SPESP1: variants seen among roughly 807,000 people sequenced by gnomAD.
The protein encoded by SPESP1 is sperm equatorial segment protein 1.
Under a neutral mutation model 3.1 loss-of-function variants are expected in SPESP1, and 1 was observed. The observed-to-expected ratio is 0.33, with a 90% CI of 0.12 to 1.54. SPESP1 has a LOEUF of 1.54. Among genes scored for constraint, SPESP1 ranks in the 40% most tolerant of loss-of-function variants. The pLI is 0.38. For missense variants in SPESP1, 398 were observed against 410.1 expected, an observed-to-expected ratio of 0.97 and a Z score of 0.26; for synonymous variants, 138 against 150.7, an observed-to-expected ratio of 0.92 and a Z score of 0.62.
At chr15:68,938,946 T>G (rs1475435223) in intron 1 of SPESP1, among the ~76,000 whole-genome samples, 2 of 152,258 alleles carry the variant, frequency 1.3e-5, no homozygotes. Context: ...TTAGGATCTT[T>G]TAAATCATTA....
intron 1 of SPESP1, among the ~76,000 whole-genome samples, chr15:68,937,184 A>G (rs975129202): frequency 6.6e-6 from 1 of 152,200 alleles, no homozygotes; most frequent in Non-Finnish European, 1.5e-5. Flanking sequence ...TTATCTTAGT[A>G]AGATAAATTA....
In SPESP1 at chr15:68,945,644, T is replaced by C. The variant is rs771485439; in HGVS notation, c.110T>C (p.Ile37Thr). 3.1e-6 allele frequency: 5 copies of C among 1,598,566 alleles called. No individual in the cohort carries two copies. In the African/African-American group the frequency reaches 5.4e-5, roughly 17 times the overall value. The change falls in exon 2 of 2, where the codon ATA (isoleucine) becomes ACA (threonine). Residue 37 changes from isoleucine to threonine, a missense_variant. Transcript: ENST00000310673. The part of the protein sequence containing the change: ...PDEEQNLNHY[I>T]QVLENLVRSV... ...GAAGAGCAAAACTTGAATCATTATA[T>C]ACAAGTTTTAGAGAACCTAGTACGA...
At chr15:68,937,407 T>TA (rs1418174987) in intron 1 of SPESP1, among the ~76,000 whole-genome samples, 1 of 152,006 alleles carries the variant, frequency 6.6e-6, no homozygotes, top group Non-Finnish European at 1.5e-5. Flanking sequence ...CTAAATTCTA[T>TA]AAAGAAAAGA....
At chr15:68,945,506 G>A (rs1895935266) in intron 1 of SPESP1, 93 bp from the exon 2 acceptor site, 2 of 987,370 alleles carry the variant, frequency 2.0e-6, no homozygotes, top group Non-Finnish European at 2.8e-6. Flanking sequence ...TTAAGTGATA[G>A]CATATGAAAT....
Position 68,946,382 on chromosome 15 carries a change from T to A in SPESP1, c.848T>A (p.Leu283Ter), listed in dbSNP as rs1211419079. The A allele has an allele frequency of 3.1e-6, 5 of 1,614,172 alleles. No homozygotes were observed. Among genetic ancestry groups the A allele is most frequent in the Non-Finnish European group, 4.2e-6 (5 of 1,180,044 alleles). Residue 283 changes from leucine (L) to a stop codon, truncating the protein, a stop_gained, in exon 2 of 2, where the codon TTA becomes TAA. Coordinates refer to ENST00000310673, the MANE Select transcript of SPESP1 (RefSeq NM_145658.4). LOFTEE classifies it low-confidence loss of function (END_TRUNC). ...HKLKTMYKSQ[L>*]LPVGRTSNKI... Reference sequence around the variant, plus strand: ...TTAAAAACAATGTATAAGTCCCAGTTATTGCCAGTAGGACGAACAAGTAAT... The same window carrying A: ...TTAAAAACAATGTATAAGTCCCAGTAATTGCCAGTAGGACGAACAAGTAAT...
At chr15:68,934,081 A>G (rs1219991346) in intron 1 of SPESP1, among the ~76,000 whole-genome samples, 1 of 152,060 alleles carries the variant, frequency 6.6e-6, no homozygotes, top group Non-Finnish European at 1.5e-5. Flanking sequence ...TTTGCATAAT[A>G]AGTATAAATA....
intron 1 of SPESP1, among the ~76,000 whole-genome samples, chr15:68,931,384 A>G (rs996619303): frequency 6.6e-6 from 1 of 152,074 alleles, no homozygotes; most frequent in Non-Finnish European, 1.5e-5. Flanking sequence ...GCACACCACC[A>G]CGCTCATTCC....
chr15:68,946,222 A>G lies in SPESP1; in HGVS notation c.688A>G (p.Ile230Val), dbSNP rs1294163301. Residue 230 changes from isoleucine (I) to valine (V), a missense_variant, in exon 2 of 2, where the codon ATT becomes GTT. Physicochemically the swap from Ile to Val is conservative, Grantham distance 29. Transcript: ENST00000310673. ...SWNNDDILKK[I>V]LDINSQVQQA... ...GAATAATGATGACATTTTGAAAAAA[A>G]TTTTAGATATTAATTCACAAGTGCA... 6.2e-7 allele frequency: 1 copy of G among 1,614,036 alleles called. No homozygotes were observed. The highest frequency in any genetic ancestry group is 1.7e-5 in the Admixed American group (1 of 60,006).
At chr15:68,936,225 T>C (rs1281977368) in intron 1 of SPESP1, among the ~76,000 whole-genome samples, 1 of 152,248 alleles carries the variant, frequency 6.6e-6, no homozygotes, top group Non-Finnish European at 1.5e-5. Context: ...ATCATTGTAA[T>C]AAAAATCCTA....
intron 1 of SPESP1, among the ~76,000 whole-genome samples, chr15:68,931,232 C>T (rs1415703945): frequency 7.8e-6 from 1 of 127,682 alleles, no homozygotes; most frequent in East Asian, 2.9e-4. Flanking sequence ...GCTATCCCTC[C>T]CCCCTCCCCC....
At chr15:68,939,691 G>A (rs1266525967) in intron 1 of SPESP1, 4 of 152,210 alleles carry the variant, frequency 2.6e-5, no homozygotes, top group Admixed American at 6.5e-5. Context: ...GAGGTAGGAG[G>A]TAGTGCACTC....
chr15:68,942,404 TTCTTATG>T (rs1567064823), intron 1 of SPESP1, among the ~76,000 whole-genome samples: 1 of 152,148 alleles, frequency 6.6e-6, no homozygotes, highest in African/African-American at 2.4e-5. Context: ...TTCTGTCCAA[TTCTTATG>T]TCTCCAATTA....
intron 1 of SPESP1, among the ~76,000 whole-genome samples, chr15:68,945,043 A>G (rs1691254189): frequency 6.6e-6 from 1 of 152,218 alleles, no homozygotes; most frequent in South Asian, 2.1e-4. Flanking sequence ...ATACAGATAC[A>G]CTAGATGTAA....
chr15:68,932,653 A>C (rs544367178), intron 1 of SPESP1, among the ~76,000 whole-genome samples: 3 of 152,270 alleles, frequency 2.0e-5, no homozygotes, highest in African/African-American at 7.2e-5. Flanking sequence ...CGGCCTTGCA[A>C]AGTGCTGGGA....
At chr15:68,932,646 C>T (rs1184972041) in intron 1 of SPESP1, among the ~76,000 whole-genome samples, 1 of 152,166 alleles carries the variant, frequency 6.6e-6, no homozygotes, top group African/African-American at 2.4e-5. Flanking sequence ...TCCGCCTCGG[C>T]CTTGCAAAGT....
At chr15:68,945,220 A>G (rs1895929077) in intron 1 of SPESP1, among the ~76,000 whole-genome samples, 1 of 152,246 alleles carries the variant, frequency 6.6e-6, no homozygotes, top group African/African-American at 2.4e-5. Context: ...TAAAAATTTA[A>G]CAATGGGCTC....
At chr15:68,945,241 G>A (rs893053821) in intron 1 of SPESP1, among the ~76,000 whole-genome samples, 3 of 152,142 alleles carry the variant, frequency 2.0e-5, no homozygotes, top group Admixed American at 2.0e-4. Context: ...TAGTCAACCA[G>A]TATAAGCCTA....
chr15:68,945,911 CA>C lies in SPESP1; in HGVS notation c.380del (p.Asn127ThrfsTer58). 6.2e-7 allele frequency: 1 copy of C among 1,614,008 alleles called. No homozygotes were observed. The highest frequency in any genetic ancestry group is 1.7e-5 in the Admixed American group (1 of 60,018). ...TESTPFWSIK[P>X]NNVSIVLHAE... ...AGTACCCCATTCTGGTCGATCAAACCAAACAATGTTTCCATTGTTTTGCATG... is the reference window on the plus strand; with the variant it reads ...AGTACCCCATTCTGGTCGATCAAACCAACAATGTTTCCATTGTTTTGCATG... On this transcript the variant is annotated frameshift_variant, in exon 2 of 2. Transcript: ENST00000310673. LOFTEE classifies it low-confidence loss of function (END_TRUNC).
intron 1 of SPESP1, among the ~76,000 whole-genome samples, chr15:68,931,584 C>T (rs987021154): frequency 6.6e-6 from 1 of 152,132 alleles, no homozygotes; most frequent in Non-Finnish European, 1.5e-5. Flanking sequence ...CCTGAGGATG[C>T]GCTCCCAGAG....
Sources: gnomAD v4.1 joint callset for allele counts (sites outside exome capture counted in the v4.1 genomes callset) on GRCh38, gnomAD v4.1.1 for gene constraint, MANE v1.5 for transcripts, NCBI Gene and HGNC (gene_info 2026-07-23, HGNC 2026-07-21) for gene names.